Variants in PAFAH1B1 observed in about 807,000 individuals in gnomAD.
PAFAH1B1 encodes the protein platelet activating factor acetylhydrolase 1b regulatory subunit 1.
PAFAH1B1 carries 2 observed loss-of-function variants against 57.5 expected under a neutral mutation model. That is an observed-to-expected ratio of 0.03 (90% confidence interval 0.01 to 0.11). The LOEUF (loss-of-function observed/expected upper bound fraction) is 0.11, where lower values mean the gene tolerates loss of function less well. Among genes scored for constraint, PAFAH1B1 ranks in the 10% least tolerant of loss-of-function variants. The pLI is 1.00. For synonymous variants in PAFAH1B1, 152 were observed against 169.6 expected (o/e 0.90, Z 0.81); for missense variants, 257 against 512.0 (o/e 0.50, Z 4.81).
chr17:2,627,346 G>A (rs776619465), intron 1 of PAFAH1B1, among the ~76,000 whole-genome samples: 2 of 152,000 alleles, frequency 1.3e-5, no homozygotes, highest in Non-Finnish European at 2.9e-5. Context: ...ATTGAAAAGG[G>A]TGTCCTTTCC....
At chr17:2,597,718 A>G (rs1038674578) in intron 1 of PAFAH1B1, among the ~76,000 whole-genome samples, 5 of 148,552 alleles carry the variant, frequency 3.4e-5, no homozygotes, top group East Asian at 2.0e-4. Context: ...CCTATTTTCT[A>G]TTTTTTAAAA....
rs2068596506 is a variant in PAFAH1B1 at position 2,634,445 on chromosome 17, G to A, written c.-190-3654G>A. Among the ~76,000 whole-genome samples, 3 of 152,176 alleles carry A rather than the reference G, an allele frequency of 2.0e-5. No homozygotes were observed. The South Asian group carries it at 6.2e-4, about 32-fold the overall frequency. On this transcript the variant is annotated intron_variant, in intron 1 of 10. Transcript: ENST00000397195. ...AGCCACCGCGCCCAGTCTCAACTTG[G>A]TTGTAAGCCAGAAATCACTTGACTC...
intron 2 of PAFAH1B1, among the ~76,000 whole-genome samples, chr17:2,659,845 TAGGA>T: frequency 6.6e-6 from 1 of 152,128 alleles, no homozygotes. Flanking sequence ...AAAAAAAAAT[TAGGA>T]AGCCTTGTTA....
intron 5 of PAFAH1B1, among the ~76,000 whole-genome samples, chr17:2,669,305 C>T (rs982245522): frequency 2.2e-4 from 32 of 147,116 alleles, no homozygotes; most frequent in African/African-American, 7.4e-4. Context: ...ACTCTTGTTA[C>T]CCAGGCTGGA....
At chr17:2,652,285 GGT>G (rs1203291990) in intron 2 of PAFAH1B1, among the ~76,000 whole-genome samples, 4 of 147,816 alleles carry the variant, frequency 2.7e-5, no homozygotes, top group Non-Finnish European at 5.9e-5. Context: ...CGTGGTGGCG[GGT>G]GCCTGTAGTC....
intron 1 of PAFAH1B1, among the ~76,000 whole-genome samples, chr17:2,605,617 G>C (rs919809937): frequency 6.6e-6 from 1 of 152,062 alleles, no homozygotes; most frequent in South Asian, 2.1e-4. Flanking sequence ...ACTCCCTGCC[G>C]CGCCCCCCTT....
At chr17:2,634,362 C>T (rs1247751203) in intron 1 of PAFAH1B1, among the ~76,000 whole-genome samples, 1 of 152,152 alleles carries the variant, frequency 6.6e-6, no homozygotes, top group Non-Finnish European at 1.5e-5. Flanking sequence ...GTCTTGAACT[C>T]CTGACCTCAG....
At chr17:2,648,330 A>G (rs972928762) in intron 2 of PAFAH1B1, among the ~76,000 whole-genome samples, 1 of 152,098 alleles carries the variant, frequency 6.6e-6, no homozygotes, top group Non-Finnish European at 1.5e-5. Context: ...GGACACAGCC[A>G]AACCCTATCA....
At chr17:2,608,633 C>T (rs1354695611) in intron 1 of PAFAH1B1, among the ~76,000 whole-genome samples, 1 of 152,144 alleles carries the variant, frequency 6.6e-6, no homozygotes, top group Non-Finnish European at 1.5e-5. Flanking sequence ...GAGACCCTGT[C>T]TCTACAAAAA....
At chr17:2,601,289 C>A (rs1172099470) in intron 1 of PAFAH1B1, among the ~76,000 whole-genome samples, 1 of 151,452 alleles carries the variant, frequency 6.6e-6, no homozygotes, top group African/African-American at 2.4e-5. Flanking sequence ...CATCTGTTAC[C>A]CTGCCCAGTG....
intron 2 of PAFAH1B1, among the ~76,000 whole-genome samples, chr17:2,654,388 A>AGGCT (rs2068909028): frequency 2.0e-5 from 3 of 151,418 alleles, no homozygotes; most frequent in African/African-American, 7.3e-5. Flanking sequence ...CATGTTGGCC[A>AGGCT]GGCTGGTCTC....
intron 2 of PAFAH1B1, among the ~76,000 whole-genome samples, chr17:2,656,275 G>T (rs1425735825): frequency 6.6e-6 from 1 of 152,044 alleles, no homozygotes; most frequent in African/African-American, 2.4e-5. Context: ...AACATATTGA[G>T]ACCCTATCTC....
Position 2,593,788 on chromosome 17 carries a change from A to G in PAFAH1B1, c.-409A>G, listed in dbSNP as rs1420364047. On this transcript the variant is annotated 5_prime_UTR_variant, in exon 1 of 11. Coordinates refer to ENST00000397195, the MANE Select transcript of PAFAH1B1 (RefSeq NM_000430.4). ...GGGAGCGCTCGGGCGCGAGCGAGAGAAACCGCGAGCGCCGAGCTTGGACTC... is the reference window on the plus strand; with the variant it reads ...GGGAGCGCTCGGGCGCGAGCGAGAGGAACCGCGAGCGCCGAGCTTGGACTC... 2 of 390,008 alleles carry G rather than the reference A, an allele frequency of 5.1e-6. No individual in the cohort carries two copies. The highest frequency in any genetic ancestry group is 4.5e-5 in the Admixed American group (1 of 22,382). 24.2% of individuals were successfully genotyped at this position (390,008 alleles called of 1,614,324 possible).
intron 1 of PAFAH1B1, among the ~76,000 whole-genome samples, chr17:2,600,610 T>C (rs1238031589): frequency 6.6e-6 from 1 of 151,476 alleles, no homozygotes; most frequent in Non-Finnish European, 1.5e-5. Flanking sequence ...GAATATGTTC[T>C]ATGATATACT....
At chr17:2,640,303 G>A (rs2068678512) in intron 2 of PAFAH1B1, 1 of 150,770 alleles carries the variant, frequency 6.6e-6, no homozygotes, top group South Asian at 2.1e-4. Flanking sequence ...ATCCCATCCA[G>A]GATCAGGTAT....
chr17:2,600,403 C>G (rs977003259), intron 1 of PAFAH1B1, among the ~76,000 whole-genome samples: 1 of 151,714 alleles, frequency 6.6e-6, no homozygotes, highest in East Asian at 2.0e-4. Flanking sequence ...AACCCTGTCT[C>G]TACTAAAAAT....
At chr17:2,649,691 A>G (rs2068823020) in intron 2 of PAFAH1B1, among the ~76,000 whole-genome samples, 1 of 152,212 alleles carries the variant, frequency 6.6e-6, no homozygotes, top group Admixed American at 6.5e-5. Context: ...AAATAATAAA[A>G]TTAAATGCAA....
chr17:2,667,391 G>T, intron 5 of PAFAH1B1, 193 bp downstream of exon 5: 3 of 546,006 alleles, frequency 5.5e-6, no homozygotes, highest in Non-Finnish European at 9.8e-6. Flanking sequence ...GAAAATGAGG[G>T]CCTATGAAGA....
intron 9 of PAFAH1B1, 150 bp downstream of exon 9, chr17:2,676,756 TG>T (rs939144958): frequency 2.2e-5 from 15 of 671,320 alleles, no homozygotes; most frequent in African/African-American, 1.8e-4. Flanking sequence ...CTTTTGTTGT[TG>T]TTATAGTGAT....
Sources: allele counts gnomAD v4.1 joint callset (sites outside exome capture counted in the v4.1 genomes callset), GRCh38; gene constraint gnomAD v4.1.1; transcripts MANE v1.5; gene names NCBI Gene and HGNC (gene_info 2026-07-23, HGNC 2026-07-21).